The following LINGO2 variants were observed in gnomAD, a reference collection of about 807,000 sequenced individuals.
LINGO2 encodes leucine-rich repeat and immunoglobulin-like domain-containing nogo receptor-interacting protein 2.
In LINGO2, 14 loss-of-function variants were observed where a neutral mutation model predicts 30.6. The ratio of observed to expected loss-of-function variants is 0.46; its 90% CI spans 0.30 to 0.72. The LOEUF is 0.72. Among genes scored for constraint, LINGO2 ranks in the 30% least tolerant of loss-of-function variants. The pLI, the probability that LINGO2 is intolerant of heterozygous loss-of-function variation, is 0.07. For missense variants in LINGO2, 729 were observed against 751.7 expected (o/e 0.97, Z 0.35); for synonymous variants, 317 against 288.5 (o/e 1.10, Z -1.00).
the LINGO2 span, among the ~76,000 whole-genome samples, chr9:29,183,043 T>A: frequency 1.3e-5 from 2 of 151,888 alleles, no homozygotes; most frequent in South Asian, 2.1e-4. Context: ...AAAATAAAAC[T>A]AGCAAATGAC....
At chr9:29,097,312 A>C in the LINGO2 span, among the ~76,000 whole-genome samples, 3 of 135,172 alleles carry the variant, frequency 2.2e-5, no homozygotes, top group Non-Finnish European at 3.3e-5. Flanking sequence ...AAGTAGTTTT[A>C]ATCTTTTTTT....
At chr9:28,614,573 T>C (rs1221738335) in intron 1 of LINGO2, among the ~76,000 whole-genome samples, 1 of 152,138 alleles carries the variant, frequency 6.6e-6, no homozygotes, top group Non-Finnish European at 1.5e-5. Flanking sequence ...AGAGATAACT[T>C]CTAAAACTAA....
Position 28,547,269 on chromosome 9 carries a change from T to C in LINGO2, c.-364-71244A>G, listed in dbSNP as rs559623659. On this transcript the variant is annotated intron_variant, in intron 1 of 5. Coordinates refer to ENST00000379992, the Ensembl canonical transcript of LINGO2. ...TTTTTCTATAACCGTCCTTTCATTTTTTTCACAAGTTTTAGTAGATACATT... is the reference window on the plus strand; with the variant it reads ...TTTTTCTATAACCGTCCTTTCATTTCTTTCACAAGTTTTAGTAGATACATT... 2.0e-5 allele frequency among the ~76,000 whole-genome samples: 3 copies of C among 152,246 alleles called. No homozygotes were observed. In the South Asian group the frequency reaches 6.2e-4, roughly 32 times the overall value.
intron 1 of LINGO2, among the ~76,000 whole-genome samples, chr9:28,495,046 C>G (rs1284306459): frequency 2.6e-5 from 4 of 152,144 alleles, no homozygotes; most frequent in African/African-American, 4.8e-5. Flanking sequence ...ATATCCTTCG[C>G]CCACTTTTTG....
the LINGO2 span, among the ~76,000 whole-genome samples, chr9:29,027,124 A>G: frequency 0.017 from 2,619 of 152,278 alleles, 79 homozygotes; most frequent in African/African-American, 0.06. Context: ...TGGGTAAAAA[A>G]ATATAGTTAT....
exon 6 of LINGO2, chr9:27,949,222 T>C (rs752823711): frequency 5.0e-6 from 8 of 1,614,116 alleles, no homozygotes; most frequent in Non-Finnish European, 5.1e-6. Context: ...TTGCTAGCGA[T>C]GCAAACATAC....
intron 1 of LINGO2, among the ~76,000 whole-genome samples, chr9:28,627,863 C>G (rs2135859297): frequency 6.6e-6 from 1 of 151,954 alleles, no homozygotes; most frequent in African/African-American, 2.4e-5. Flanking sequence ...GATAAAATAC[C>G]AAGCATTTTA....
chr9:28,211,194 G>T (rs1246938867), intron 4 of LINGO2, among the ~76,000 whole-genome samples: 1 of 151,180 alleles, frequency 6.6e-6, no homozygotes, highest in African/African-American at 2.4e-5. Flanking sequence ...TTGTGCTTTT[G>T]CAATTAATTA....
the LINGO2 span, among the ~76,000 whole-genome samples, chr9:28,967,847 AAAGAGAG>A: frequency 6.6e-6 from 1 of 152,204 alleles, no homozygotes; most frequent in Non-Finnish European, 1.5e-5. Flanking sequence ...CGAGAAAGAG[AAAGAGAG>A]AAGACAGAGA....
At chr9:28,081,996 G>A (rs554315721) in intron 4 of LINGO2, among the ~76,000 whole-genome samples, 20 of 152,166 alleles carry the variant, frequency 1.3e-4, no homozygotes, top group African/African-American at 4.8e-4. Context: ...ATCAATTAAG[G>A]TACTGTCTTC....
the LINGO2 span, among the ~76,000 whole-genome samples, chr9:29,174,115 C>T: frequency 2.1e-3 from 324 of 150,840 alleles, 2 homozygotes; most frequent in African/African-American, 6.4e-3. Context: ...TATGCTTTGT[C>T]TAAAAAAAAA....
At chr9:28,872,590 A>G in the LINGO2 span, among the ~76,000 whole-genome samples, 2 of 152,176 alleles carry the variant, frequency 1.3e-5, no homozygotes, top group African/African-American at 2.4e-5. Flanking sequence ...CAAGTTTGGT[A>G]CATGCTTCCA....
the LINGO2 span, among the ~76,000 whole-genome samples, chr9:28,850,647 C>T: frequency 6.6e-6 from 1 of 152,014 alleles, no homozygotes; most frequent in African/African-American, 2.4e-5. Context: ...TGCATATTAA[C>T]CAGGGTCTTG....
chr9:28,886,988 C>T, the LINGO2 span, among the ~76,000 whole-genome samples: 2 of 152,080 alleles, frequency 1.3e-5, no homozygotes, highest in Non-Finnish European at 2.9e-5. Context: ...AAGAAATGTT[C>T]CCCAGTGGGT....
intron 4 of LINGO2, among the ~76,000 whole-genome samples, chr9:28,121,254 A>C (rs1233200561): frequency 6.6e-6 from 1 of 152,174 alleles, no homozygotes; most frequent in Non-Finnish European, 1.5e-5. Context: ...TACTAACGGC[A>C]CATGGATTCC....
chr9:29,131,161 G>A, the LINGO2 span, among the ~76,000 whole-genome samples: 84 of 152,176 alleles, frequency 5.5e-4, no homozygotes, highest in African/African-American at 1.9e-3. Flanking sequence ...GTTTTATTTC[G>A]TTTTTATAGC....
At position 28,463,302 on chromosome 9, in the gene LINGO2, G is replaced by A. The variant is rs114490097; in HGVS notation, c.-279+12638C>T. Among the ~76,000 whole-genome samples, 500 of 152,100 alleles carry A rather than the reference G, an allele frequency of 3.3e-3. 5 individuals are homozygous for A. Among genetic ancestry groups the A allele is most frequent in the African/African-American group, 0.011 (460 of 41,524 alleles). On this transcript the variant is annotated intron_variant, in intron 2 of 5. Transcript: ENST00000379992. ...GAAATTTATCAAATCTCTTTTGTCT[G>A]ATGCCTGAACTATAATCGATTTTTT...
chr9:28,692,330 C>G, the LINGO2 span, among the ~76,000 whole-genome samples: 2 of 151,910 alleles, frequency 1.3e-5, no homozygotes, highest in African/African-American at 4.8e-5. Context: ...CAAATATTAG[C>G]CAAGTGTGGT....
chr9:28,144,304 C>T (rs973766617), intron 4 of LINGO2, among the ~76,000 whole-genome samples: 1 of 152,126 alleles, frequency 6.6e-6, no homozygotes, highest in Non-Finnish European at 1.5e-5. Context: ...AGGCCTATTA[C>T]AGTATTTCTC....
Sources: allele counts gnomAD v4.1 joint callset (sites outside exome capture counted in the v4.1 genomes callset), GRCh38; gene constraint gnomAD v4.1.1; transcripts MANE v1.5; gene names NCBI Gene and HGNC (gene_info 2026-07-23, HGNC 2026-07-21).